The following NRG3 variants were observed in gnomAD, a reference collection of about 807,000 sequenced individuals.
The protein encoded by NRG3 is neuregulin 3, also known as pro-neuregulin-3, membrane-bound isoform.
Under a neutral mutation model 66.9 loss-of-function variants are expected in NRG3, and 31 were observed. The observed-to-expected ratio is 0.46, with a 90% CI of 0.35 to 0.63. The LOEUF (loss-of-function observed/expected upper bound fraction) is 0.63, where lower values mean the gene tolerates loss of function less well. Ranked by LOEUF, NRG3 falls within the 20% of genes least tolerant of loss-of-function variation. The pLI is 0.00. For missense variants in NRG3, 910 were observed against 878.9 expected (o/e 1.04, Z -0.45); for synonymous variants, 393 against 359.4 (o/e 1.09, Z -1.06).
intron 1 of NRG3, among the ~76,000 whole-genome samples, chr10:81,933,332 C>T (rs1847568997): frequency 6.6e-6 from 1 of 152,018 alleles, no homozygotes; most frequent in African/African-American, 2.4e-5. Flanking sequence ...AAGATAGATA[C>T]TTATGTCCCA....
intron 1 of NRG3, among the ~76,000 whole-genome samples, chr10:82,021,556 C>T (rs144651675): frequency 6.2e-4 from 94 of 152,168 alleles, no homozygotes; most frequent in African/African-American, 2.1e-3. Flanking sequence ...AAATGCACCT[C>T]AGTAGTCTCA....
At chr10:81,885,710 G>C (rs1842559029) in intron 1 of NRG3, among the ~76,000 whole-genome samples, 1 of 152,114 alleles carries the variant, frequency 6.6e-6, no homozygotes, top group African/African-American at 2.4e-5. Context: ...TGAAGGATAG[G>C]AATACTGTAG....
intron 2 of NRG3, among the ~76,000 whole-genome samples, chr10:82,687,207 G>C (rs2054582055): frequency 6.6e-6 from 1 of 152,130 alleles, no homozygotes; most frequent in Non-Finnish European, 1.5e-5. Context: ...ACTTTTCCCT[G>C]GTTCATGTTG....
Position 82,318,292 on chromosome 10 carries a change from C to T in NRG3, c.824-40447C>T, listed in dbSNP as rs148901018. Among the ~76,000 whole-genome samples, 723 of 152,226 alleles carry T rather than the reference C, an allele frequency of 4.7e-3. 5 individuals are homozygous for T. The highest frequency in any genetic ancestry group is 0.017 in the African/African-American group (693 of 41,542). On this transcript the variant is annotated intron_variant, in intron 1 of 8. Coordinates refer to ENST00000372141, the MANE Select transcript of NRG3 (RefSeq NM_001010848.4). ...CAGGTTTGTGTGACCCAGTTCCCAG[C>T]TTGACCCTTCCCATTGGCTTAATGA...
chr10:82,439,807 A>G (rs1437728630), intron 2 of NRG3, among the ~76,000 whole-genome samples: 1 of 151,966 alleles, frequency 6.6e-6, no homozygotes, highest in East Asian at 1.9e-4. Flanking sequence ...CTTTGCTAGT[A>G]TTTCACTTTC....
intron 1 of NRG3, among the ~76,000 whole-genome samples, chr10:81,910,156 A>T (rs906565446): frequency 6.6e-6 from 1 of 152,178 alleles, no homozygotes; most frequent in African/African-American, 2.4e-5. Flanking sequence ...ATCCTGTAGA[A>T]TCAGTGGCTG....
chr10:82,451,438 G>T (rs562310376), intron 2 of NRG3, among the ~76,000 whole-genome samples: 1 of 152,224 alleles, frequency 6.6e-6, no homozygotes, highest in South Asian at 2.1e-4. Flanking sequence ...TGAATAGGGA[G>T]AATTCATGTA....
At chr10:82,560,117 A>G (rs925711560) in intron 2 of NRG3, among the ~76,000 whole-genome samples, 2 of 151,634 alleles carry the variant, frequency 1.3e-5, no homozygotes, top group Non-Finnish European at 2.9e-5. Context: ...TAATCTTTTT[A>G]ATTCTCATTT....
intron 4 of NRG3, among the ~76,000 whole-genome samples, chr10:82,943,288 A>C (rs1447528301): frequency 6.6e-6 from 1 of 152,186 alleles, no homozygotes; most frequent in Admixed American, 6.5e-5. Context: ...TAAGAGGATA[A>C]GAACAGTTGC....
chr10:82,275,477 A>T (rs1435743862), intron 1 of NRG3, among the ~76,000 whole-genome samples: 1 of 152,014 alleles, frequency 6.6e-6, no homozygotes, highest in Admixed American at 6.6e-5. Context: ...TGTTAATAAG[A>T]GTCTAACTTA....
At chr10:82,962,657 G>A (rs1418475277) in intron 6 of NRG3, among the ~76,000 whole-genome samples, 1 of 152,030 alleles carries the variant, frequency 6.6e-6, no homozygotes, top group African/African-American at 2.4e-5. Flanking sequence ...TGGCCAACAT[G>A]GTGAAACCCC....
chr10:82,039,666 C>T (rs969956219), intron 1 of NRG3, among the ~76,000 whole-genome samples: 8 of 152,042 alleles, frequency 5.3e-5, no homozygotes, highest in Admixed American at 4.6e-4. Context: ...CCATCAGCTC[C>T]CTTGAGATAA....
intron 3 of NRG3, 66 bp from the exon 4 acceptor site, chr10:82,865,345 A>G (rs1320108766): frequency 2.6e-6 from 4 of 1,544,562 alleles, no homozygotes; most frequent in African/African-American, 2.7e-5. Flanking sequence ...ATTTCCATGT[A>G]TAGAGCTTTT....
intron 2 of NRG3, among the ~76,000 whole-genome samples, chr10:82,737,449 G>C (rs866188203): frequency 1.3e-5 from 2 of 152,166 alleles, no homozygotes; most frequent in Non-Finnish European, 2.9e-5. Context: ...ACGACGCATG[G>C]TTCCTGTCTC....
chr10:82,628,428 G>C (rs1249851202), intron 2 of NRG3, among the ~76,000 whole-genome samples: 1 of 152,106 alleles, frequency 6.6e-6, no homozygotes, highest in Non-Finnish European at 1.5e-5. Flanking sequence ...GAAAAATAGG[G>C]TGTTAACCAT....
At chr10:82,086,839 A>G (rs937475157) in intron 1 of NRG3, among the ~76,000 whole-genome samples, 6 of 152,132 alleles carry the variant, frequency 3.9e-5, no homozygotes, top group Non-Finnish European at 8.8e-5. Context: ...AGGTAGAAAT[A>G]TTTGGTGTTA....
chr10:82,774,240 T>C (rs2059816422), intron 3 of NRG3, among the ~76,000 whole-genome samples: 2 of 152,196 alleles, frequency 1.3e-5, no homozygotes, highest in African/African-American at 4.8e-5. Flanking sequence ...CCAGTTTTCT[T>C]TTCCTGTGGG....
chr10:82,943,394 C>G (rs562951235), intron 4 of NRG3, among the ~76,000 whole-genome samples: 2 of 152,112 alleles, frequency 1.3e-5, no homozygotes. Flanking sequence ...CCAGGCCACC[C>G]TTGGTGGCAT....
At chr10:82,059,147 T>C (rs989766809) in intron 1 of NRG3, among the ~76,000 whole-genome samples, 12 of 152,158 alleles carry the variant, frequency 7.9e-5, no homozygotes, top group African/African-American at 2.9e-4. Flanking sequence ...TTGTGGATGT[T>C]TTATTGAGAG....
Sources: allele counts gnomAD v4.1 joint callset (sites outside exome capture counted in the v4.1 genomes callset), GRCh38; gene constraint gnomAD v4.1.1; transcripts MANE v1.5; gene names NCBI Gene and HGNC (gene_info 2026-07-23, HGNC 2026-07-21).